EIF2AK3: variants seen among roughly 807,000 people sequenced by gnomAD.
EIF2AK3 encodes eukaryotic translation initiation factor 2-alpha kinase 3.
In EIF2AK3, 50 loss-of-function variants were observed where a neutral mutation model predicts 113.5. The observed-to-expected ratio is 0.44, with a 90% CI of 0.35 to 0.56. The LOEUF (loss-of-function observed/expected upper bound fraction) is 0.56, where lower values mean the gene tolerates loss of function less well. EIF2AK3 is among the 20% of genes least tolerant of loss of function. EIF2AK3 has a pLI of 0.00. For synonymous variants in EIF2AK3, 448 were observed against 495.4 expected, an observed-to-expected ratio of 0.90 and a Z score of 1.27; for missense variants, 1,185 against 1,378.0, an observed-to-expected ratio of 0.86 and a Z score of 2.22.
At chr2:88,616,059 TCA>T (rs1461387333) in intron 1 of EIF2AK3, among the ~76,000 whole-genome samples, 1 of 152,114 alleles carries the variant, frequency 6.6e-6, no homozygotes, top group South Asian at 2.1e-4. Flanking sequence ...CTATTCTGTC[TCA>T]GTTTCATTTT....
At chr2:88,559,902 A>G (rs936525710) in intron 15 of EIF2AK3, among the ~76,000 whole-genome samples, 3 of 152,186 alleles carry the variant, frequency 2.0e-5, no homozygotes, top group Non-Finnish European at 4.4e-5. Flanking sequence ...ATTAGAAATA[A>G]TGCTCATATG....
rs1674399259 is a variant in EIF2AK3 at position 88,574,475 on chromosome 2, G to A, written c.2817+191C>T. ...ACTGAAGACAATGAATGCATGGTTTGCCTAAAGTTTTCAGACATAAGACTT... is the reference window on the plus strand; with the variant it reads ...ACTGAAGACAATGAATGCATGGTTTACCTAAAGTTTTCAGACATAAGACTT... On this transcript the variant is annotated intron_variant, in intron 13 of 16. Coordinates refer to ENST00000303236, the MANE Select transcript of EIF2AK3 (RefSeq NM_004836.7). 3 of 644,948 alleles carry A rather than the reference G, an allele frequency of 4.7e-6. No homozygotes were observed. The Admixed American group carries it at 8.6e-5, about 18-fold the overall frequency. The allele number at this position is 644,948 out of a possible 1,614,324, so 40.0% of individuals were successfully genotyped here. A position where few individuals can be genotyped will look rare whatever the true frequency, so the allele number is the denominator to read the frequency against.
At chr2:88,563,104 G>C (rs1452329193) in intron 14 of EIF2AK3, among the ~76,000 whole-genome samples, 1 of 146,506 alleles carries the variant, frequency 6.8e-6, no homozygotes, top group African/African-American at 2.7e-5. Flanking sequence ...TGACTCAGAA[G>C]AACCCCTTTA....
chr2:88,571,289 G>A (rs1224086636), intron 13 of EIF2AK3, among the ~76,000 whole-genome samples: 1 of 152,104 alleles, frequency 6.6e-6, no homozygotes, highest in African/African-American at 2.4e-5. Flanking sequence ...AACCCTTTGA[G>A]GTGCACATTC....
intron 15 of EIF2AK3, among the ~76,000 whole-genome samples, chr2:88,560,218 G>A (rs936556790): frequency 1.3e-5 from 2 of 152,116 alleles, no homozygotes; most frequent in Non-Finnish European, 2.9e-5. Flanking sequence ...CAACGATGTT[G>A]AGCATCTTTT....
chr2:88,574,447 A>T (rs1573392402), intron 13 of EIF2AK3: 1 of 595,168 alleles, frequency 1.7e-6, no homozygotes, highest in East Asian at 2.8e-5. Flanking sequence ...ACACAAACAC[A>T]TTACTGAAGA....
chr2:88,623,370 T>TC (rs1184706592), intron 1 of EIF2AK3, among the ~76,000 whole-genome samples: 1 of 152,134 alleles, frequency 6.6e-6, no homozygotes, highest in Admixed American at 6.6e-5. Context: ...TAGCTAACTT[T>TC]TAAAGAAAAT....
intron 11 of EIF2AK3, 38 bp downstream of exon 11, chr2:88,579,480 G>A (rs374622367): frequency 6.2e-7 from 1 of 1,611,346 alleles, no homozygotes; most frequent in Non-Finnish European, 8.5e-7. Context: ...AGATCACACT[G>A]TGCTGATTTC....
Position 88,627,032 on chromosome 2 carries a change from G to A in EIF2AK3, c.243C>T (p.Ala81=), listed in dbSNP as rs767552026. 11 of 1,603,678 alleles carry A rather than the reference G, an allele frequency of 6.9e-6. No individual in the cohort carries two copies. The highest frequency in any genetic ancestry group is 9.3e-6 in the Non-Finnish European group (11 of 1,178,444). ...TVEDAEALPA[A]AGEQEPRGPE... is the part of the protein sequence containing the mutation. ...GACCCCGAGGCTCCTGCTCTCCCGC[G>A]GCTGCCGGCAGCGCCTCAGCGTCCT... Residue 81 remains alanine, a synonymous_variant, in exon 1 of 17, where the codon GCC becomes GCT. Transcript: ENST00000303236.
intron 3 of EIF2AK3, among the ~76,000 whole-genome samples, chr2:88,594,847 A>C (rs913951772): frequency 1.3e-5 from 2 of 151,074 alleles, no homozygotes; most frequent in African/African-American, 2.4e-5. Flanking sequence ...AAAAAAAAAA[A>C]AACGAAAGTT....
chr2:88,599,116 A>G (rs1381591516), intron 2 of EIF2AK3, among the ~76,000 whole-genome samples: 1 of 152,148 alleles, frequency 6.6e-6, no homozygotes, highest in Non-Finnish European at 1.5e-5. Context: ...AAGGTACTCA[A>G]GAGTCTTGCA....
At chr2:88,568,813 G>A (rs1282414956) in intron 14 of EIF2AK3, among the ~76,000 whole-genome samples, 1 of 152,226 alleles carries the variant, frequency 6.6e-6, no homozygotes, top group Non-Finnish European at 1.5e-5. Flanking sequence ...TGCTCTAGCT[G>A]CTCTTTTCAT....
At chr2:88,616,863 T>G (rs911654775) in intron 1 of EIF2AK3, among the ~76,000 whole-genome samples, 1 of 152,216 alleles carries the variant, frequency 6.6e-6, no homozygotes, top group African/African-American at 2.4e-5. Context: ...CAACTTTATC[T>G]CTTCTATATC....
At chr2:88,575,569 A>ATG in intron 12 of EIF2AK3, 123 bp from the exon 13 acceptor site, 1 of 963,614 alleles carries the variant, frequency 1.0e-6, no homozygotes, top group African/African-American at 1.6e-5. Context: ...ACAACAAAAC[A>ATG]ACATACAAAC....
intron 15 of EIF2AK3, among the ~76,000 whole-genome samples, chr2:88,561,178 C>T (rs948255016): frequency 1.4e-4 from 21 of 151,730 alleles, no homozygotes; most frequent in Non-Finnish European, 7.4e-5. Flanking sequence ...TGGTGTTGAA[C>T]TCTGGCCTCA....
Position 88,583,421 on chromosome 2 carries a change from G to T in EIF2AK3, c.1763+9C>A, listed in dbSNP as rs766008824. The T allele has an allele frequency of 6.3e-7, 1 of 1,590,416 alleles. No homozygotes were observed. The highest frequency in any genetic ancestry group is 2.2e-5 in the East Asian group (1 of 44,560). On this transcript the variant is annotated intron_variant, in intron 10 of 16. Coordinates refer to ENST00000303236, the MANE Select transcript of EIF2AK3 (RefSeq NM_004836.7). ...TGATTCAGATGGTTGTATTTTATAAGACTCTTACCGTGATATATATCCAGA... is the reference window on the plus strand; with the variant it reads ...TGATTCAGATGGTTGTATTTTATAATACTCTTACCGTGATATATATCCAGA...
chr2:88,599,877 C>G (rs1401439616), intron 2 of EIF2AK3, among the ~76,000 whole-genome samples: 3 of 152,074 alleles, frequency 2.0e-5, no homozygotes, highest in Admixed American at 6.5e-5. Flanking sequence ...CTCTGCAACT[C>G]CAAAAGTAAA....
chr2:88,590,216 C>A (rs1010481746), intron 6 of EIF2AK3, among the ~76,000 whole-genome samples: 1 of 152,108 alleles, frequency 6.6e-6, no homozygotes, highest in African/African-American at 2.4e-5. Context: ...GCCTGGGCGA[C>A]AAGAGTGAAA....
intron 14 of EIF2AK3, 143 bp downstream of exon 14, chr2:88,570,731 C>G: frequency 2.9e-6 from 3 of 1,029,628 alleles, no homozygotes; most frequent in Non-Finnish European, 4.5e-6. Context: ...GTCACTATTC[C>G]ACTACTGGAA....
Sources: allele counts gnomAD v4.1 joint callset (sites outside exome capture counted in the v4.1 genomes callset), GRCh38; gene constraint gnomAD v4.1.1; transcripts MANE v1.5; gene names NCBI Gene and HGNC (gene_info 2026-07-23, HGNC 2026-07-21).